NOL4: variants seen among roughly 807,000 people sequenced by gnomAD.
NOL4 encodes cancer/testis antigen 125.
NOL4 carries 17 observed loss-of-function variants against 75.9 expected under a neutral mutation model. That is an observed-to-expected ratio of 0.22 (90% CI 0.15 to 0.34). The LOEUF (loss-of-function observed/expected upper bound fraction) is 0.34, where lower values mean the gene tolerates loss of function less well. Ranked by LOEUF, NOL4 falls within the 10% of genes least tolerant of loss-of-function variation. The pLI, the probability that NOL4 is intolerant of heterozygous loss-of-function variation, is 1.00. For missense variants in NOL4, 614 were observed against 793.5 expected (o/e 0.77, Z 2.72); for synonymous variants, 292 against 289.9 (o/e 1.01, Z -0.07).
chr18:34,099,576 T>C (rs2078949702), intron 4 of NOL4, among the ~76,000 whole-genome samples: 3 of 152,008 alleles, frequency 2.0e-5, no homozygotes, highest in Admixed American at 2.0e-4. Flanking sequence ...TCTCACTCTC[T>C]ACACAACAGC....
chr18:33,909,572 C>T (rs2066270019), intron 9 of NOL4, among the ~76,000 whole-genome samples: 1 of 152,100 alleles, frequency 6.6e-6, no homozygotes, highest in Admixed American at 6.6e-5. Flanking sequence ...TATCCAGTTT[C>T]CTGAGTTAGA....
intron 1 of NOL4, among the ~76,000 whole-genome samples, chr18:34,165,845 AATACT>A (rs1426658257): frequency 2.0e-5 from 3 of 151,942 alleles, no homozygotes; most frequent in African/African-American, 7.2e-5. Flanking sequence ...GAATAATAAC[AATACT>A]ATATTTTTAA....
At chr18:34,153,408 T>C (rs2081741762) in intron 1 of NOL4, among the ~76,000 whole-genome samples, 1 of 151,968 alleles carries the variant, frequency 6.6e-6, no homozygotes, top group Non-Finnish European at 1.5e-5. Context: ...GTGAAAATAA[T>C]ATTTGTTGAG....
chr18:33,983,048 C>A (rs537599613), intron 6 of NOL4, among the ~76,000 whole-genome samples: 10 of 151,866 alleles, frequency 6.6e-5, no homozygotes, highest in Admixed American at 5.3e-4. Flanking sequence ...CTGTGCCCAG[C>A]CCAAGAATCT....
At chr18:34,202,610 A>G (rs2035815836) in intron 1 of NOL4, among the ~76,000 whole-genome samples, 1 of 152,000 alleles carries the variant, frequency 6.6e-6, no homozygotes, top group African/African-American at 2.4e-5. Flanking sequence ...GATGGTGGAG[A>G]TGACTAAACT....
chr18:34,097,740 A>T (rs2078855407), intron 4 of NOL4, among the ~76,000 whole-genome samples: 1 of 152,214 alleles, frequency 6.6e-6, no homozygotes, highest in South Asian at 2.1e-4. Context: ...AAATCTTGAA[A>T]ATATACTCAG....
rs958210929 is a variant in NOL4, at chr18:34,018,530, G to GT, written c.1056+787dup. ...CAAGTTCTACAACTCTGACTTAGAG[G>GT]TAAGGGCTGGGGAAGGCACTCAAAA... On this transcript the variant is annotated intron_variant, in intron 6 of 10. Coordinates refer to ENST00000261592, the MANE Select transcript of NOL4 (RefSeq NM_003787.5). Among the ~76,000 whole-genome samples, 90 of 152,206 alleles carry GT rather than the reference G, an allele frequency of 5.9e-4. 1 individual carries two copies. Among genetic ancestry groups the GT allele is most frequent in the African/African-American group, 2.1e-3 (89 of 41,518 alleles).
intron 6 of NOL4, among the ~76,000 whole-genome samples, chr18:34,014,974 A>T (rs1027337210): frequency 1.3e-5 from 2 of 152,048 alleles, no homozygotes; most frequent in African/African-American, 4.8e-5. Flanking sequence ...AACTCACTGG[A>T]ATCTAAGCTT....
At chr18:33,944,152 C>T (rs1229602209) in intron 8 of NOL4, among the ~76,000 whole-genome samples, 3 of 151,774 alleles carry the variant, frequency 2.0e-5, no homozygotes, top group Admixed American at 6.6e-5. Context: ...ATAGCATATA[C>T]AGTATATGCC....
At chr18:34,140,226 G>C (rs1464362521) in intron 1 of NOL4, among the ~76,000 whole-genome samples, 1 of 152,110 alleles carries the variant, frequency 6.6e-6, no homozygotes, top group Non-Finnish European at 1.5e-5. Context: ...TCGATTCCTG[G>C]ATATCCTTGT....
rs77586023 is a variant in NOL4 at position 34,029,094 on chromosome 18, T to C, written c.773-9493A>G. Among the ~76,000 whole-genome samples, 940 of 152,234 alleles carry C rather than the reference T, an allele frequency of 6.2e-3. 9 individuals are homozygous for C. The highest frequency in any genetic ancestry group is 0.022 in the African/African-American group (907 of 41,546). ...AGAAACAGAAAAGATAAGGGAACTGTGTAGGGTCTACCTCACACAGTCTTG... is the reference window on the plus strand; with the variant it reads ...AGAAACAGAAAAGATAAGGGAACTGCGTAGGGTCTACCTCACACAGTCTTG... On this transcript the variant is annotated intron_variant, in intron 5 of 10. Coordinates refer to ENST00000261592, the MANE Select transcript of NOL4 (RefSeq NM_003787.5).
At chr18:34,170,010 C>T (rs1388982749) in intron 1 of NOL4, among the ~76,000 whole-genome samples, 1 of 152,144 alleles carries the variant, frequency 6.6e-6, no homozygotes, top group Non-Finnish European at 1.5e-5. Flanking sequence ...TGACATTCTA[C>T]AGATCCTTTT....
At chr18:34,073,396 A>G (rs2077603946) in intron 5 of NOL4, among the ~76,000 whole-genome samples, 1 of 152,074 alleles carries the variant, frequency 6.6e-6, no homozygotes, top group African/African-American at 2.4e-5. Flanking sequence ...CAAAATCCAT[A>G]GATGTTCAAT....
At chr18:34,222,918 CGCCTCTCTCCT>C in intron 1 of NOL4, 61 bp downstream of exon 1, 3 of 1,560,388 alleles carry the variant, frequency 1.9e-6, no homozygotes, top group South Asian at 1.2e-5. Context: ...CCCTCTCTCC[CGCCTCTCTCCT>C]TCCTCCCTCC....
intron 1 of NOL4, among the ~76,000 whole-genome samples, chr18:34,162,981 G>A (rs1487848979): frequency 1.3e-5 from 2 of 152,124 alleles, no homozygotes; most frequent in African/African-American, 4.8e-5. Context: ...CAGAACCTAA[G>A]ACTAAAATCA....
chr18:34,133,306 C>A (rs2080745761), intron 1 of NOL4, among the ~76,000 whole-genome samples: 1 of 150,084 alleles, frequency 6.7e-6, no homozygotes, highest in Non-Finnish European at 1.5e-5. Flanking sequence ...AATACACTAT[C>A]CCAGATGAAC....
chr18:34,077,925 A>G (rs1239806987), intron 5 of NOL4, among the ~76,000 whole-genome samples: 1 of 152,152 alleles, frequency 6.6e-6, no homozygotes, highest in Non-Finnish European at 1.5e-5. Context: ...AAACAAAGCA[A>G]AACAATTAAA....
chr18:34,009,790 G>A (rs1283889767), intron 6 of NOL4, among the ~76,000 whole-genome samples: 2 of 151,818 alleles, frequency 1.3e-5, no homozygotes, highest in Non-Finnish European at 2.9e-5. Context: ...TAAAAGGTGG[G>A]TTAAATTATT....
At chr18:34,078,398 T>C (rs2077843610) in intron 5 of NOL4, among the ~76,000 whole-genome samples, 1 of 152,212 alleles carries the variant, frequency 6.6e-6, no homozygotes, top group African/African-American at 2.4e-5. Flanking sequence ...ATGTAAAGGA[T>C]GTCTTTAAGC....
Sources: gnomAD v4.1 joint callset for allele counts (sites outside exome capture counted in the v4.1 genomes callset) on GRCh38, gnomAD v4.1.1 for gene constraint, MANE v1.5 for transcripts, NCBI Gene and HGNC (gene_info 2026-07-23, HGNC 2026-07-21) for gene names.